Variants in DRAM2 observed in about 807,000 individuals in gnomAD.
The protein encoded by DRAM2 is DNA damage regulated autophagy modulator 2.
DRAM2 carries 26 observed loss-of-function variants against 33.5 expected under a neutral mutation model. The ratio of observed to expected loss-of-function variants is 0.78; its 90% confidence interval spans 0.57 to 1.08. DRAM2 has a LOEUF of 1.08. Among genes scored for constraint, DRAM2 ranks in the 50% least tolerant of loss-of-function variants. The pLI is 0.00. For synonymous variants in DRAM2, 98 were observed against 109.5 expected (o/e 0.89, Z 0.66); for missense variants, 311 against 318.1 (o/e 0.98, Z 0.17).
In DRAM2 at chr1:111,120,624, A is replaced by G; in HGVS notation, c.409T>C (p.Phe137Leu). ...LTFGMGSLYMFVQTILSYQMQ... is the reference protein window; with the variant it reads ...LTFGMGSLYMLVQTILSYQMQ... ...TGGTAGGAAAGGATGGTCTGAACAA[A>G]CATATATAATGAGCCCATACCAAAG... The change falls in exon 7 of 10, where the codon TTT becomes CTT. Residue 137 changes from phenylalanine (F) to leucine (L), a missense_variant. Coordinates refer to ENST00000484310, the MANE Select transcript of DRAM2 (RefSeq NM_001349884.2). 6.2e-7 allele frequency: 1 copy of G among 1,611,770 alleles called. No individual in the cohort carries two copies. Among genetic ancestry groups the G allele is most frequent in the South Asian group, 1.1e-5 (1 of 90,858 alleles).
At chr1:111,126,127 G>A (rs1571035222) in intron 5 of DRAM2, 100 bp downstream of exon 5, 1 of 743,124 alleles carries the variant, frequency 1.3e-6, no homozygotes, top group East Asian at 2.5e-5. Flanking sequence ...ATACTCTCAA[G>A]TATAACTAGA....
chr1:111,134,403 C>T (rs918686299), intron 3 of DRAM2, among the ~76,000 whole-genome samples: 1 of 151,748 alleles, frequency 6.6e-6, no homozygotes, highest in Non-Finnish European at 1.5e-5. Flanking sequence ...AAATCTCAGC[C>T]ATTTTTTATT....
chr1:111,130,477 G>A (rs1361592089), intron 4 of DRAM2, among the ~76,000 whole-genome samples: 2 of 152,126 alleles, frequency 1.3e-5, no homozygotes, highest in East Asian at 1.9e-4. Context: ...AGGCCAAGGC[G>A]GGCAGATCAC....
chr1:111,128,017 C>T (rs575976553), intron 4 of DRAM2: 2 of 152,168 alleles, frequency 1.3e-5, no homozygotes, highest in South Asian at 4.1e-4. Context: ...GCATCCACTA[C>T]TTGAACCAAC....
intron 7 of DRAM2, 26 bp downstream of exon 7, chr1:111,120,490 T>C (rs1308028508): frequency 6.7e-6 from 10 of 1,489,510 alleles, no homozygotes; most frequent in Non-Finnish European, 9.0e-6. Context: ...TTTCCAAGTG[T>C]AGCCACATTG....
chr1:111,119,396 T>A (rs1026974256), intron 8 of DRAM2, among the ~76,000 whole-genome samples: 1 of 152,028 alleles, frequency 6.6e-6, no homozygotes, highest in Middle Eastern at 3.2e-3. Context: ...TGAAAACAGA[T>A]GAACTCATTT....
At chr1:111,119,519 G>A (rs942504555) in intron 8 of DRAM2, 2 of 194,878 alleles carry the variant, frequency 1.0e-5, no homozygotes, top group Non-Finnish European at 2.1e-5. Context: ...TCAATTTCCA[G>A]ATAACAAAAA....
intron 2 of DRAM2, among the ~76,000 whole-genome samples, chr1:111,138,094 T>C (rs545665400): frequency 6.6e-6 from 1 of 152,364 alleles, no homozygotes; most frequent in African/African-American, 2.4e-5. Context: ...AGAATAAGCA[T>C]ACAATATAAT....
Position 111,136,802 on chromosome 1 carries a change from G to A in DRAM2, c.-15+721C>T, listed in dbSNP as rs183628669. ...ATCCTGGCCAACACGGTGAAACCCC[G>A]TTTCTACTAGAAATACAAAAAATTA... On this transcript the variant is annotated intron_variant, in intron 3 of 9. Transcript: ENST00000484310. Among the ~76,000 whole-genome samples the A allele has an allele frequency of 2.4e-3, 363 of 152,110 alleles. 1 individual carries two copies. Among genetic ancestry groups the A allele is most frequent in the African/African-American group, 8.2e-3 (339 of 41,492 alleles).
intron 5 of DRAM2, among the ~76,000 whole-genome samples, chr1:111,125,955 C>T (rs1311790164): frequency 1.3e-5 from 2 of 152,120 alleles, no homozygotes; most frequent in Non-Finnish European, 2.9e-5. Context: ...CCACTACAGT[C>T]CTCAAGGAAT....
At position 111,133,852 on chromosome 1, in the gene DRAM2, T is replaced by C. The variant is rs1652630201; in HGVS notation, c.-14-2284A>G. 3.3e-5 allele frequency among the ~76,000 whole-genome samples: 5 copies of C among 152,352 alleles called. No individual in the cohort carries two copies. In the South Asian group the frequency reaches 1.0e-3, roughly 32 times the overall value. On this transcript the variant is annotated intron_variant, in intron 3 of 9. Coordinates refer to ENST00000484310, the MANE Select transcript of DRAM2 (RefSeq NM_001349884.2). ...AGAACACTACCTACCCAGTTAACTT[T>C]TATGTTTTTCAAGGCTCAATCTTTC...
chr1:111,136,905 C>T (rs1315860436), intron 3 of DRAM2, among the ~76,000 whole-genome samples: 1 of 151,308 alleles, frequency 6.6e-6, no homozygotes, highest in African/African-American at 2.4e-5. Context: ...ATCTGGGAGG[C>T]GGAGGTTGCA....
At chr1:111,119,748 ATTT>A in intron 8 of DRAM2, 126 bp downstream of exon 8, 1 of 759,732 alleles carries the variant, frequency 1.3e-6, no homozygotes, top group Admixed American at 2.8e-5. Context: ...CAAGAAAATA[ATTT>A]TAATACAGAA....
At chr1:111,131,629 G>A in intron 3 of DRAM2, 61 bp from the exon 4 acceptor site, 1 of 1,545,148 alleles carries the variant, frequency 6.5e-7, no homozygotes, top group Non-Finnish European at 8.8e-7. Flanking sequence ...TCCTACTTTA[G>A]CCATCCATGC....
At position 111,126,253 on chromosome 1, in the gene DRAM2, G is replaced by C; in HGVS notation, c.173C>G (p.Ala58Gly). 1 of 1,609,912 alleles carries C rather than the reference G, an allele frequency of 6.2e-7. No individual in the cohort carries two copies. Among genetic ancestry groups the C allele is most frequent in the Non-Finnish European group, 8.5e-7 (1 of 1,177,844 alleles). The change falls in exon 5 of 10, where the codon GCA becomes GGA. Residue 58 changes from alanine (A) to glycine (G), a missense_variant. Transcript: ENST00000484310. Reference sequence around the variant, plus strand: ...TAAAACTGCCGCAATATTTAGCATTGCCCCAAATAAGCATTTTTCTGGAGC... The same window carrying C: ...TAAAACTGCCGCAATATTTAGCATTCCCCCAAATAAGCATTTTTCTGGAGC... The part of the protein sequence containing the change: ...TVAPEKCLFG[A>G]MLNIAAVLCI...
chr1:111,125,040 T>C (rs1650737155), intron 5 of DRAM2, among the ~76,000 whole-genome samples, 159 bp from the exon 6 acceptor site: 1 of 151,590 alleles, frequency 6.6e-6, no homozygotes, highest in African/African-American at 2.4e-5. Flanking sequence ...AAAATAGCTG[T>C]AGTTTTGTTT....
chr1:111,137,323 G>C (rs1653441801), intron 3 of DRAM2, among the ~76,000 whole-genome samples, 200 bp downstream of exon 3: 1 of 149,958 alleles, frequency 6.7e-6, no homozygotes, highest in South Asian at 2.1e-4. Flanking sequence ...AGTAGTCTTT[G>C]TACAGCTTAT....
At chr1:111,118,541 A>G (rs1649366757) in intron 9 of DRAM2, 3 of 490,742 alleles carry the variant, frequency 6.1e-6, no homozygotes, top group Non-Finnish European at 1.1e-5. Flanking sequence ...AGTACACAGA[A>G]TCGATAACAA....
chr1:111,125,429 T>G, intron 5 of DRAM2: 1 of 152,408 alleles, frequency 6.6e-6, no homozygotes, highest in East Asian at 1.9e-4. Flanking sequence ...CTTGGCTCAG[T>G]AAGACATAGT....
Sources: gnomAD v4.1 joint callset for allele counts (sites outside exome capture counted in the v4.1 genomes callset) on GRCh38, gnomAD v4.1.1 for gene constraint, MANE v1.5 for transcripts, NCBI Gene and HGNC (gene_info 2026-07-23, HGNC 2026-07-21) for gene names.